OR2L13: variants seen among roughly 807,000 people sequenced by gnomAD.
The protein encoded by OR2L13 is olfactory receptor family 2 subfamily L member 13.
In OR2L13, 14 loss-of-function variants were observed where a neutral mutation model predicts 15.3. That is an observed-to-expected ratio of 0.91 (90% confidence interval 0.60 to 1.43). OR2L13 has a LOEUF of 1.43. OR2L13 is among the 40% of genes most tolerant of loss of function. The pLI, the probability that OR2L13 is intolerant of heterozygous loss-of-function variation, is 0.00. For missense variants in OR2L13, 367 were observed against 387.9 expected (o/e 0.95, Z 0.45); for synonymous variants, 152 against 142.9 (o/e 1.06, Z -0.45).
At chr1:247,964,404 A>C in the OR2L13 span, among the ~76,000 whole-genome samples, 2 of 152,184 alleles carry the variant, frequency 1.3e-5, no homozygotes, top group Non-Finnish European at 2.9e-5. Flanking sequence ...GCACAAGTAA[A>C]TTCCAAATTT....
the OR2L13 span, chr1:247,949,312 C>G: frequency 3.1e-6 from 5 of 1,614,142 alleles, no homozygotes; most frequent in South Asian, 4.4e-5. Context: ...ATCATAGGCT[C>G]GATCAATGCT....
chr1:247,961,657 A>G, the OR2L13 span, among the ~76,000 whole-genome samples: 1 of 152,234 alleles, frequency 6.6e-6, no homozygotes, highest in South Asian at 2.1e-4. Flanking sequence ...ATCAGGATCC[A>G]CATCCAGAGA....
the OR2L13 span, among the ~76,000 whole-genome samples, chr1:247,976,713 C>A: frequency 6.6e-6 from 1 of 152,094 alleles, no homozygotes; most frequent in Non-Finnish European, 1.5e-5. Context: ...TTGATGATGT[C>A]ATTTTCTTTA....
the OR2L13 span, among the ~76,000 whole-genome samples, chr1:248,077,851 A>G: frequency 0.041 from 6,216 of 152,250 alleles, 421 homozygotes; most frequent in African/African-American, 0.14. Flanking sequence ...TGAGCAAAAG[A>G]GTTAAACAGA....
chr1:248,060,508 AC>A, the OR2L13 span, among the ~76,000 whole-genome samples: 1 of 152,156 alleles, frequency 6.6e-6, no homozygotes. Flanking sequence ...TAAAAATTAA[AC>A]TTTATCAGAA....
At chr1:248,055,660 G>A in the OR2L13 span, among the ~76,000 whole-genome samples, 2 of 152,204 alleles carry the variant, frequency 1.3e-5, no homozygotes, top group African/African-American at 4.8e-5. Flanking sequence ...TGGAGGCTGA[G>A]GCATGTGAAT....
the OR2L13 span, among the ~76,000 whole-genome samples, chr1:247,993,809 G>GAGAGAGAGAGAA: frequency 7.5e-5 from 10 of 132,896 alleles, no homozygotes; most frequent in Admixed American, 1.4e-4. Flanking sequence ...GAGAGAGAGA[G>GAGAGAGAGAGAA]AGAAAGAAAG....
At chr1:247,989,511 T>G in the OR2L13 span, among the ~76,000 whole-genome samples, 6,474 of 152,240 alleles carry the variant, frequency 0.043, 419 homozygotes, top group African/African-American at 0.15. Flanking sequence ...TACTGAAGTT[T>G]TAAGAGAAAT....
the OR2L13 span, among the ~76,000 whole-genome samples, chr1:247,942,873 C>G: frequency 6.6e-6 from 1 of 152,116 alleles, no homozygotes; most frequent in Non-Finnish European, 1.5e-5. Context: ...AACAATTACT[C>G]TCCTTCTCTC....
At chr1:248,006,787 C>G in the OR2L13 span, among the ~76,000 whole-genome samples, 3 of 152,120 alleles carry the variant, frequency 2.0e-5, no homozygotes, top group Non-Finnish European at 4.4e-5. Context: ...GAGGTCACAG[C>G]AGACAGTACC....
the OR2L13 span, among the ~76,000 whole-genome samples, chr1:248,082,950 A>G: frequency 6.6e-6 from 1 of 152,320 alleles, no homozygotes; most frequent in East Asian, 1.9e-4. Context: ...AGTTTAAAGC[A>G]ATTTTCCAAT....
chr1:248,075,916 C>T, the OR2L13 span, among the ~76,000 whole-genome samples: 7 of 152,088 alleles, frequency 4.6e-5, no homozygotes, highest in Non-Finnish European at 8.8e-5. Context: ...GTCATGACGC[C>T]CTTGCCCTTG....
At chr1:248,075,893 T>G in the OR2L13 span, among the ~76,000 whole-genome samples, 1 of 152,344 alleles carries the variant, frequency 6.6e-6, no homozygotes, top group African/African-American at 2.4e-5. Context: ...TTGCCATTGC[T>G]TTTGGTGTTT....
the OR2L13 span, among the ~76,000 whole-genome samples, chr1:248,031,581 C>T: frequency 6.6e-6 from 1 of 152,046 alleles, no homozygotes; most frequent in Non-Finnish European, 1.5e-5. Context: ...TATTTTCTAT[C>T]CAATGGTCTG....
chr1:248,089,474 G>C, the OR2L13 span, among the ~76,000 whole-genome samples: 2 of 152,158 alleles, frequency 1.3e-5, no homozygotes, highest in Admixed American at 1.3e-4. Flanking sequence ...AGCCCTCTTA[G>C]TGACCTGTAA....
chr1:248,022,591 G>T, the OR2L13 span: 1 of 1,614,144 alleles, frequency 6.2e-7, no homozygotes, highest in South Asian at 1.1e-5. Context: ...GGCATTGCGT[G>T]TTCCTATGGC....
chr1:247,957,420 T>G, the OR2L13 span, among the ~76,000 whole-genome samples: 2 of 152,292 alleles, frequency 1.3e-5, no homozygotes, highest in East Asian at 3.9e-4. Context: ...TTGTTGTGTC[T>G]CTGCCTGGCT....
At chr1:248,061,573 G>C in the OR2L13 span, 1 of 1,613,610 alleles carries the variant, frequency 6.2e-7, no homozygotes, top group African/African-American at 1.3e-5. Context: ...GGAGGTGATG[G>C]GGGCCCTGAC....
the OR2L13 span, among the ~76,000 whole-genome samples, chr1:248,044,550 TC>T: frequency 1.6e-5 from 2 of 127,948 alleles, no homozygotes; most frequent in South Asian, 2.1e-4. Context: ...ACGCCTGTAA[TC>T]CCAGCACTTT....
Sources: gnomAD v4.1 joint callset for allele counts (sites outside exome capture counted in the v4.1 genomes callset) on GRCh38, gnomAD v4.1.1 for gene constraint, MANE v1.5 for transcripts, NCBI Gene and HGNC (gene_info 2026-07-23, HGNC 2026-07-21) for gene names.